S100PBP: variants seen among roughly 807,000 people sequenced by gnomAD.
S100PBP encodes the protein S100P binding protein.
Under a neutral mutation model 39.9 loss-of-function variants are expected in S100PBP, and 15 were observed. The observed-to-expected ratio is 0.38, with a 90% CI of 0.25 to 0.58. The LOEUF (loss-of-function observed/expected upper bound fraction) is 0.58, where lower values mean the gene tolerates loss of function less well. S100PBP is among the 20% of genes least tolerant of loss of function. The probability of loss-of-function intolerance (pLI) is 0.70; values close to 1 mark genes in which losing one functional copy is unlikely to be tolerated. For synonymous variants in S100PBP, 178 were observed against 180.3 expected (o/e 0.99, Z 0.10); for missense variants, 504 against 487.3 (o/e 1.03, Z -0.32).
chr1:32,828,822 AAG>A (rs1392971478), intron 4 of S100PBP, among the ~76,000 whole-genome samples: 1 of 152,028 alleles, frequency 6.6e-6, no homozygotes, highest in African/African-American at 2.4e-5. Context: ...GCAACATGGC[AAG>A]ACGCCACCTC....
intron 1 of S100PBP, among the ~76,000 whole-genome samples, chr1:32,821,642 T>C (rs1048767692): frequency 4.9e-5 from 7 of 144,242 alleles, no homozygotes; most frequent in African/African-American, 7.6e-5. Flanking sequence ...CTTTCTTTCT[T>C]TTTTTTTTTT....
At chr1:32,821,909 G>T (rs561540717) in intron 1 of S100PBP, among the ~76,000 whole-genome samples, 1 of 152,300 alleles carries the variant, frequency 6.6e-6, no homozygotes, top group East Asian at 1.9e-4. Flanking sequence ...AAAGTGCTGG[G>T]ATTACAGGCG....
intron 5 of S100PBP, among the ~76,000 whole-genome samples, chr1:32,850,302 T>C (rs1234787262): frequency 2.0e-5 from 3 of 152,180 alleles, no homozygotes; most frequent in Non-Finnish European, 2.9e-5. Context: ...GAAAAATGTA[T>C]CTTGAAATTT....
intron 5 of S100PBP, among the ~76,000 whole-genome samples, chr1:32,831,401 A>G (rs904755330): frequency 7.2e-5 from 11 of 151,992 alleles, no homozygotes; most frequent in African/African-American, 2.7e-4. Flanking sequence ...AATTAGTTTA[A>G]TTACTCTAAG....
intron 2 of S100PBP, 60 bp from the exon 3 acceptor site, chr1:32,826,038 A>G: frequency 8.6e-7 from 1 of 1,158,576 alleles, no homozygotes; most frequent in Non-Finnish European, 1.2e-6. Flanking sequence ...CATATAGTGG[A>G]CTGGAGTTGG....
chr1:32,841,394 G>T (rs1042223603), intron 5 of S100PBP, among the ~76,000 whole-genome samples: 1 of 151,750 alleles, frequency 6.6e-6, no homozygotes, highest in Non-Finnish European at 1.5e-5. Flanking sequence ...TTTCTTGGTA[G>T]TCACTGGTTA....
chr1:32,853,891 TC>T (rs1347955648), intron 6 of S100PBP, among the ~76,000 whole-genome samples: 3 of 152,020 alleles, frequency 2.0e-5, no homozygotes, highest in Non-Finnish European at 4.4e-5. Flanking sequence ...AGACCCTGTC[TC>T]AAAAAACAAA....
rs555166062 is a variant in S100PBP at position 32,845,118 on chromosome 1, A to G, written c.1025-7961A>G. ...TGGCTCACTGCAGGCTCCGCTCCCC[A>G]GGTTCACGCCATTCTCCTGCGTCAG... On this transcript the variant is annotated intron_variant, in intron 5 of 6. Transcript: ENST00000373475. Among the ~76,000 whole-genome samples, 11 of 146,700 alleles carry G rather than the reference A, an allele frequency of 7.5e-5. No homozygotes were observed. The South Asian group carries it at 2.2e-3, about 29-fold the overall frequency.
At chr1:32,827,212 A>G (rs772961083) in intron 3 of S100PBP, among the ~76,000 whole-genome samples, 9 of 152,246 alleles carry the variant, frequency 5.9e-5, no homozygotes, top group Non-Finnish European at 8.8e-5. Flanking sequence ...TCATAGTATA[A>G]TAAGGATTAA....
intron 5 of S100PBP, among the ~76,000 whole-genome samples, chr1:32,846,444 G>A (rs1437915536): frequency 4.0e-5 from 6 of 150,514 alleles, no homozygotes; most frequent in Non-Finnish European, 8.8e-5. Flanking sequence ...CCATATGGCT[G>A]GATTTAAATC....
chr1:32,837,924 A>T (rs1446175377), intron 5 of S100PBP, among the ~76,000 whole-genome samples: 1 of 152,196 alleles, frequency 6.6e-6, no homozygotes, highest in Non-Finnish European at 1.5e-5. Context: ...ATTTTTGGCT[A>T]TGACAGATAA....
chr1:32,855,504 A>G (rs1640782846), intron 6 of S100PBP, among the ~76,000 whole-genome samples: 1 of 152,188 alleles, frequency 6.6e-6, no homozygotes, highest in Non-Finnish European at 1.5e-5. Context: ...GTCCTGAGCA[A>G]CCTTGAGCTG....
At chr1:32,846,208 C>A (rs1640367880) in intron 5 of S100PBP, among the ~76,000 whole-genome samples, 1 of 151,872 alleles carries the variant, frequency 6.6e-6, no homozygotes, top group Admixed American at 6.6e-5. Context: ...CCAGGCTGGT[C>A]TTGAACTCCT....
chr1:32,857,848 G>C lies in S100PBP; in HGVS notation c.*1810G>C, dbSNP rs1418260388. Reference sequence around the variant, plus strand: ...ATTTAAGCCAACAATAAATTTAGGTGAATGTCCCTAAGTGTTTACTGTTTT... The same window carrying C: ...ATTTAAGCCAACAATAAATTTAGGTCAATGTCCCTAAGTGTTTACTGTTTT... On this transcript the variant is annotated 3_prime_UTR_variant, in exon 7 of 7. Transcript: ENST00000373475. The C allele has an allele frequency of 6.6e-6, 1 of 152,196 alleles. No individual in the cohort carries two copies. Among genetic ancestry groups the C allele is most frequent in the Non-Finnish European group, 1.5e-5 (1 of 68,036 alleles). 9.4% of individuals were successfully genotyped at this position (152,196 alleles called of 1,614,324 possible).
chr1:32,821,285 A>T lies in S100PBP; in HGVS notation c.-120+3596A>T, dbSNP rs949663290. Among the ~76,000 whole-genome samples the T allele has an allele frequency of 7.2e-5, 11 of 152,036 alleles. 1 individual carries two copies. The highest frequency in any genetic ancestry group is 6.6e-5 in the Admixed American group (1 of 15,254). On this transcript the variant is annotated intron_variant, in intron 1 of 6. Transcript: ENST00000373475. Reference sequence around the variant, plus strand: ...TCATGCATATTTTAATAATTTTGTGATATATGTATCCATACATAATACGTG... The same window carrying T: ...TCATGCATATTTTAATAATTTTGTGTTATATGTATCCATACATAATACGTG...
At chr1:32,835,771 AT>A (rs922249932) in intron 5 of S100PBP, 1 of 149,922 alleles carries the variant, frequency 6.7e-6, no homozygotes, top group African/African-American at 2.5e-5. Flanking sequence ...TTTTTTTTCT[AT>A]TTTTCTCACC....
chr1:32,835,549 A>G (rs1639779269), intron 5 of S100PBP: 2 of 152,100 alleles, frequency 1.3e-5, no homozygotes, highest in South Asian at 4.1e-4. Context: ...ATACCTACAC[A>G]ACAGTTCCCC....
chr1:32,826,544 G>A lies in S100PBP; in HGVS notation c.445G>A (p.Ala149Thr), dbSNP rs896596949. ...AAAGAATCTTATAAAAGTAACTGTT[G>A]CACCATTTAATCCAACAGTTTGTGA... ...LEKNLIKVTV[A>T]PFNPTVCDAL... The change falls in exon 3 of 7, where the codon GCA becomes ACA. Residue 149 changes from alanine to threonine, a missense_variant. Coordinates refer to ENST00000373475, the MANE Select transcript of S100PBP (RefSeq NM_022753.4). 6.2e-7 allele frequency: 1 copy of A among 1,613,904 alleles called. No homozygotes were observed. Among genetic ancestry groups the A allele is most frequent in the Non-Finnish European group, 8.5e-7 (1 of 1,180,018 alleles).
At chr1:32,829,611 T>C (rs1330962165) in intron 4 of S100PBP, among the ~76,000 whole-genome samples, 5 of 152,146 alleles carry the variant, frequency 3.3e-5, no homozygotes, top group Non-Finnish European at 7.3e-5. Context: ...TACAGGCACA[T>C]GCAGCCATGT....
Sources: gnomAD v4.1 joint callset for allele counts (sites outside exome capture counted in the v4.1 genomes callset) on GRCh38, gnomAD v4.1.1 for gene constraint, MANE v1.5 for transcripts, NCBI Gene and HGNC (gene_info 2026-07-23, HGNC 2026-07-21) for gene names.